The following WDPCP variants were observed in gnomAD, a reference collection of about 807,000 sequenced individuals.
WDPCP encodes the protein WD repeat containing planar cell polarity effector.
Under a neutral mutation model 93.1 loss-of-function variants are expected in WDPCP, and 71 were observed. That is an observed-to-expected ratio of 0.76 (90% confidence interval 0.63 to 0.93). WDPCP has a LOEUF of 0.93. Ranked by LOEUF, WDPCP falls within the 40% of genes least tolerant of loss-of-function variation. WDPCP has a pLI of 0.00. For synonymous variants in WDPCP, 315 were observed against 315.0 expected (o/e 1.00, Z 0.00); for missense variants, 844 against 887.4 (o/e 0.95, Z 0.62).
At chr2:63,506,995 G>C (rs1309306468) in intron 1 of WDPCP, among the ~76,000 whole-genome samples, 6 of 151,214 alleles carry the variant, frequency 4.0e-5, no homozygotes, top group Non-Finnish European at 7.4e-5. Context: ...AAGAGAGAGA[G>C]AGAAGGAGTT....
At chr2:63,424,988 T>C (rs1315976661) in intron 9 of WDPCP, among the ~76,000 whole-genome samples, 2 of 152,122 alleles carry the variant, frequency 1.3e-5, no homozygotes, top group Non-Finnish European at 2.9e-5. Context: ...GGCTAAGAAC[T>C]TATCTGCCAG....
intron 2 of WDPCP, among the ~76,000 whole-genome samples, chr2:63,765,007 T>A (rs758181236): frequency 2.0e-5 from 3 of 152,044 alleles, no homozygotes; most frequent in Non-Finnish European, 4.4e-5. Flanking sequence ...TCAACAAAGA[T>A]GTGTGGAAAG....
rs1331667328 is a variant in WDPCP at position 63,338,562 on chromosome 2, AAAAAAAAATATATATATATATATAT to A, written c.1749-25276_1749-25252del. Among the ~76,000 whole-genome samples the A allele has an allele frequency of 5.0e-4, 31 of 61,976 alleles. 1 individual carries two copies. Among genetic ancestry groups the A allele is most frequent in the African/African-American group, 1.4e-3 (19 of 13,288 alleles). The allele number at this position is 61,976 out of a possible 152,430, so 40.7% of individuals were successfully genotyped here. On this transcript the variant is annotated intron_variant, in intron 12 of 17. Coordinates refer to ENST00000272321, the MANE Select transcript of WDPCP (RefSeq NM_015910.7). The stretch of plus-strand genomic sequence containing the variant: ...AGCAAAACTCCATCTAAAAAAAAAA[AAAAAAAAATATATATATATATATAT>A]ATATATATATATATATATATATATA...
intron 2 of WDPCP, among the ~76,000 whole-genome samples, chr2:63,793,697 G>A (rs779466919): frequency 1.2e-4 from 19 of 152,152 alleles, no homozygotes; most frequent in African/African-American, 3.4e-4. Context: ...ATGCATCCCC[G>A]ATAGTCACAG....
chr2:63,688,496 G>C (rs1668843353), intron 2 of WDPCP, among the ~76,000 whole-genome samples: 1 of 152,058 alleles, frequency 6.6e-6, no homozygotes, highest in Non-Finnish European at 1.5e-5. Context: ...CCAGAGGCTA[G>C]GAAGGGTTAT....
chr2:63,575,544 T>C lies in WDPCP; in HGVS notation c.75+12653A>G, dbSNP rs1436380945. Among the ~76,000 whole-genome samples the C allele has an allele frequency of 1.7e-4, 24 of 139,416 alleles. 2 individuals are homozygous for C. The highest frequency in any genetic ancestry group is 4.9e-4 in the African/African-American group (18 of 36,700). The allele number at this position is 139,416 out of a possible 152,430, so 91.5% of individuals were successfully genotyped here. A position where few individuals can be genotyped will look rare whatever the true frequency, so the allele number is the denominator to read the frequency against. ...GTATATACAGTATATACACTGTATA[T>C]ATAGTATATACAGTATATATACTAT... On this transcript the variant is annotated intron_variant, in intron 1 of 17. Coordinates refer to ENST00000272321, the MANE Select transcript of WDPCP (RefSeq NM_015910.7).
intron 14 of WDPCP, among the ~76,000 whole-genome samples, chr2:63,257,156 T>C (rs761824600): frequency 5.3e-5 from 8 of 152,156 alleles, no homozygotes; most frequent in Non-Finnish European, 1.0e-4. Context: ...TTAACTATGG[T>C]GGCAGTATTT....
chr2:63,765,528 G>A (rs2103928278), intron 2 of WDPCP, among the ~76,000 whole-genome samples: 1 of 152,348 alleles, frequency 6.6e-6, no homozygotes, highest in East Asian at 1.9e-4. Context: ...GGGGCCTTGA[G>A]GGGCTTGGTA....
chr2:63,380,913 A>G (rs1305718223), intron 11 of WDPCP, among the ~76,000 whole-genome samples: 1 of 152,190 alleles, frequency 6.6e-6, no homozygotes, highest in African/African-American at 2.4e-5. Flanking sequence ...AATGAAGGTT[A>G]CCTACAGAAT....
At chr2:63,569,703 C>T (rs1707338854) in intron 1 of WDPCP, among the ~76,000 whole-genome samples, 1 of 152,212 alleles carries the variant, frequency 6.6e-6, no homozygotes, top group Admixed American at 6.5e-5. Flanking sequence ...CACTGACATG[C>T]AGAATCAAGT....
At chr2:63,804,115 C>T (rs929832939) in intron 2 of WDPCP, among the ~76,000 whole-genome samples, 1 of 152,080 alleles carries the variant, frequency 6.6e-6, no homozygotes, top group Non-Finnish European at 1.5e-5. Flanking sequence ...TTTTATCAGG[C>T]TGAATTATTC....
At chr2:63,327,651 G>A (rs193030424) in intron 12 of WDPCP, among the ~76,000 whole-genome samples, 98 of 152,246 alleles carry the variant, frequency 6.4e-4, no homozygotes, top group Admixed American at 1.2e-3. Context: ...GCATTTACAG[G>A]AAAAGGCTTC....
At chr2:63,335,035 G>C (rs1250792034) in intron 12 of WDPCP, among the ~76,000 whole-genome samples, 2 of 152,144 alleles carry the variant, frequency 1.3e-5, no homozygotes, top group African/African-American at 4.8e-5. Flanking sequence ...ATGCATATCT[G>C]ATTGCTTCCT....
intron 6 of WDPCP, chr2:63,441,739 T>C (rs533691564): frequency 6.6e-6 from 1 of 152,200 alleles, no homozygotes; most frequent in South Asian, 2.1e-4. Context: ...ATATTGCCAG[T>C]GATCAGGAGC....
chr2:63,749,705 T>A (rs963669650), intron 2 of WDPCP, among the ~76,000 whole-genome samples: 1 of 152,096 alleles, frequency 6.6e-6, no homozygotes, highest in Non-Finnish European at 1.5e-5. Context: ...TATTTTCAAC[T>A]TTCAATGGGT....
Position 63,807,632 on chromosome 2 carries a change from C to T in WDPCP, n.308+5990G>A, listed in dbSNP as rs189266051. Among the ~76,000 whole-genome samples the T allele has an allele frequency of 3.6e-4, 55 of 152,274 alleles. No homozygotes were observed. The East Asian group carries it at 0.01, about 28-fold the overall frequency. ...AATAAATAAATATAAAACACTTTTA[C>T]TAATCTCTCACAAACATATTAGCAA... On this transcript the variant is annotated intron_variant and non_coding_transcript_variant, in intron 2 of 4. Transcript: ENST00000467687.
At chr2:63,321,276 A>G (rs1050474761) in intron 12 of WDPCP, among the ~76,000 whole-genome samples, 3 of 152,098 alleles carry the variant, frequency 2.0e-5, no homozygotes, top group Admixed American at 6.6e-5. Flanking sequence ...AACTGATATT[A>G]TAGAACAATA....
At chr2:63,242,697 C>T (rs1679952947) in intron 14 of WDPCP, among the ~76,000 whole-genome samples, 1 of 152,120 alleles carries the variant, frequency 6.6e-6, no homozygotes, top group South Asian at 2.1e-4. Context: ...ATGGCTTTTG[C>T]TTTTACAGTA....
chr2:63,447,335 T>C (rs886562534), intron 6 of WDPCP, among the ~76,000 whole-genome samples: 1 of 152,156 alleles, frequency 6.6e-6, no homozygotes, highest in Non-Finnish European at 1.5e-5. Flanking sequence ...ATAAAATTTT[T>C]AAAAATTGAT....
Sources: allele counts gnomAD v4.1 joint callset (sites outside exome capture counted in the v4.1 genomes callset), GRCh38; gene constraint gnomAD v4.1.1; transcripts MANE v1.5; gene names NCBI Gene and HGNC (gene_info 2026-07-23, HGNC 2026-07-21).